Variants in CATSPERB observed in about 807,000 individuals in gnomAD.
CATSPERB encodes cation channel sperm-associated auxiliary subunit beta.
CATSPERB carries 93 observed loss-of-function variants against 128.3 expected under a neutral mutation model. The observed-to-expected ratio is 0.72, with a 90% CI of 0.61 to 0.86. The LOEUF is 0.86. Among genes scored for constraint, CATSPERB ranks in the 40% least tolerant of loss-of-function variants. CATSPERB has a pLI of 0.00. For synonymous variants in CATSPERB, 381 were observed against 448.8 expected (o/e 0.85, Z 1.91); for missense variants, 1,153 against 1,329.5 (o/e 0.87, Z 2.06).
intron 22 of CATSPERB, among the ~76,000 whole-genome samples, chr14:91,599,979 C>A: frequency 6.6e-6 from 1 of 152,158 alleles, no homozygotes; most frequent in East Asian, 1.9e-4. Flanking sequence ...AGATATTTTC[C>A]TTTGACACCA....
At chr14:91,691,335 A>G (rs1355972424) in intron 10 of CATSPERB, among the ~76,000 whole-genome samples, 188 bp downstream of exon 10, 1 of 152,188 alleles carries the variant, frequency 6.6e-6, no homozygotes, top group Non-Finnish European at 1.5e-5. Flanking sequence ...AATGGTTGCT[A>G]CGAATATATG....
Position 91,604,866 on chromosome 14 carries a change from T to C in CATSPERB, c.2709+3428A>G. The C allele has an allele frequency of 2.1e-6, 3 of 1,396,186 alleles. No individual in the cohort carries two copies. In the South Asian group the frequency reaches 3.5e-5, roughly 16 times the overall value. The allele number at this position is 1,396,186 out of a possible 1,614,324, so 86.5% of individuals were successfully genotyped here. A position where few individuals can be genotyped will look rare whatever the true frequency, so the allele number is the denominator to read the frequency against. ...TTTGGCCAGTTGTTTTCCTGCCACC[T>C]CTTAGATTTCATTCTCTGGTTCTGG... On this transcript the variant is annotated intron_variant, in intron 22 of 26. Transcript: ENST00000256343.
intron 15 of CATSPERB, among the ~76,000 whole-genome samples, chr14:91,654,351 C>G (rs903315550): frequency 1.3e-5 from 2 of 152,154 alleles, no homozygotes; most frequent in African/African-American, 4.8e-5. Flanking sequence ...ATTTCTAAAC[C>G]TGCCCTGGGC....
intron 16 of CATSPERB, 64 bp downstream of exon 16, chr14:91,639,032 A>G (rs936491791): frequency 1.1e-5 from 15 of 1,353,336 alleles, no homozygotes; most frequent in African/African-American, 2.9e-5. Context: ...CCATTATTCT[A>G]TGTATTGAAT....
intron 14 of CATSPERB, among the ~76,000 whole-genome samples, 160 bp downstream of exon 14, chr14:91,669,654 A>G (rs1895051261): frequency 6.6e-6 from 1 of 152,216 alleles, no homozygotes; most frequent in Non-Finnish European, 1.5e-5. Flanking sequence ...GATAATGGAC[A>G]CCAAGCTTAG....
intron 17 of CATSPERB, among the ~76,000 whole-genome samples, chr14:91,635,347 T>G (rs979766950): frequency 6.8e-6 from 1 of 146,154 alleles, no homozygotes; most frequent in Non-Finnish European, 1.5e-5. Context: ...GGGGGTTATA[T>G]AATTCATATT....
intron 14 of CATSPERB, among the ~76,000 whole-genome samples, chr14:91,665,439 G>T (rs756647391): frequency 6.6e-6 from 1 of 152,194 alleles, no homozygotes; most frequent in Non-Finnish European, 1.5e-5. Context: ...GAGACTGGGG[G>T]AAATGCAGGC....
intron 7 of CATSPERB, among the ~76,000 whole-genome samples, chr14:91,693,968 AGT>A (rs1895515153): frequency 6.6e-6 from 1 of 152,180 alleles, no homozygotes; most frequent in Non-Finnish European, 1.5e-5. Context: ...ATCTGCCATT[AGT>A]TCCCCTATAT....
intron 15 of CATSPERB, among the ~76,000 whole-genome samples, chr14:91,658,666 T>C (rs1269714029): frequency 7.7e-6 from 1 of 129,812 alleles, no homozygotes; most frequent in African/African-American, 2.9e-5. Context: ...CATAAATTTA[T>C]ACACCTACTA....
rs572906326 is a variant in CATSPERB at position 91,610,558 on chromosome 14, G to T, written c.2520C>A (p.Ser840Arg). 16 of 1,613,976 alleles carry T rather than the reference G, an allele frequency of 9.9e-6. No individual in the cohort carries two copies. The African/African-American group carries it at 1.7e-4, about 17-fold the overall frequency. ...TCCAGTCTTCAAATGGGATAAATTT[G>T]CTAGGAATGTGATGCATAGATCTGA... ...SYLRSMHHIPSKFIPFEDWIS... is the reference protein window; with the variant it reads ...SYLRSMHHIPRKFIPFEDWIS... Residue 840 changes from serine (S) to arginine (R), a missense_variant, in exon 21 of 27, where the codon AGC (serine) becomes AGA (arginine). Ser to Arg is a moderately radical substitution (Grantham distance 110). Transcript: ENST00000256343.
At chr14:91,724,240 T>A (rs562823466) in intron 3 of CATSPERB, among the ~76,000 whole-genome samples, 1 of 152,280 alleles carries the variant, frequency 6.6e-6, no homozygotes, top group Admixed American at 6.5e-5. Flanking sequence ...AGAGTTTAGG[T>A]AACCTGCCCC....
At chr14:91,695,382 C>T (rs1314340857) in intron 7 of CATSPERB, among the ~76,000 whole-genome samples, 1 of 152,094 alleles carries the variant, frequency 6.6e-6, no homozygotes, top group East Asian at 1.9e-4. Context: ...TCGCCCACCT[C>T]AGCCTCCAAA....
At chr14:91,705,128 A>C (rs1188723477) in intron 6 of CATSPERB, among the ~76,000 whole-genome samples, 2 of 152,212 alleles carry the variant, frequency 1.3e-5, no homozygotes, top group Non-Finnish European at 2.9e-5. Flanking sequence ...ATAAATCCAG[A>C]GTAGCAGTGG....
Position 91,581,087 on chromosome 14 carries a change from T to C in CATSPERB, c.3153A>G (p.Pro1051=), listed in dbSNP as rs1453255875. The C allele has an allele frequency of 6.2e-7, 1 of 1,614,000 alleles. No homozygotes were observed. The highest frequency in any genetic ancestry group is 1.1e-5 in the South Asian group (1 of 91,044). Residue 1051 remains proline (P), a synonymous_variant, in exon 27 of 27, where the codon CCA becomes CCG. Coordinates refer to ENST00000256343, the MANE Select transcript of CATSPERB (RefSeq NM_024764.4). The part of the protein sequence containing the change: ...EEFQIYVDEA[P]LPFPGHTLIA... ...TAAGCGTGTGTCCTGGGAATGGCAA[T>C]GGTGCCTCATCAACATAAATCTGCA...
Position 91,693,946 on chromosome 14 carries a change from T to C in CATSPERB, c.617-467A>G, listed in dbSNP as rs562520707. 2.6e-5 allele frequency among the ~76,000 whole-genome samples: 4 copies of C among 152,270 alleles called. No individual in the cohort carries two copies. In the East Asian group the frequency reaches 7.7e-4, roughly 29 times the overall value. ...AGAAGAGCATTTTTATCACTGGAGA[T>C]AGGGAACCCTTATCTGCCATTAGTT... On this transcript the variant is annotated intron_variant, in intron 7 of 26. Transcript: ENST00000256343.
At chr14:91,641,007 T>C (rs1758565617) in intron 15 of CATSPERB, among the ~76,000 whole-genome samples, 2 of 144,684 alleles carry the variant, frequency 1.4e-5, no homozygotes, top group African/African-American at 2.6e-5. Context: ...CATTTTTTCA[T>C]GTGTTTTTTG....
At chr14:91,695,249 C>T (rs1165620827) in intron 7 of CATSPERB, among the ~76,000 whole-genome samples, 1 of 151,856 alleles carries the variant, frequency 6.6e-6, no homozygotes, top group African/African-American at 2.4e-5. Context: ...CGTGCCTCAT[C>T]CTCCTGAGTA....
chr14:91,612,200 T>C (rs927185017), intron 20 of CATSPERB, among the ~76,000 whole-genome samples: 1 of 152,122 alleles, frequency 6.6e-6, no homozygotes, highest in Non-Finnish European at 1.5e-5. Flanking sequence ...GCTAGGACTA[T>C]AGATGTGTGC....
intron 3 of CATSPERB, among the ~76,000 whole-genome samples, chr14:91,724,711 G>A (rs1023515252): frequency 1.3e-5 from 2 of 152,098 alleles, no homozygotes; most frequent in Non-Finnish European, 2.9e-5. Context: ...TGTGGTACTT[G>A]TTATACAAAG....
Sources: allele counts gnomAD v4.1 joint callset (sites outside exome capture counted in the v4.1 genomes callset), GRCh38; gene constraint gnomAD v4.1.1; transcripts MANE v1.5; gene names NCBI Gene and HGNC (gene_info 2026-07-23, HGNC 2026-07-21).